CARHSP1: variants seen among roughly 807,000 people sequenced by gnomAD.
CARHSP1 encodes the protein calcium-regulated heat-stable protein 1.
A neutral mutation model predicts 12.5 loss-of-function variants in CARHSP1; 14 were observed. The ratio of observed to expected loss-of-function variants is 1.12; its 90% CI spans 0.74 to 1.75. The LOEUF (loss-of-function observed/expected upper bound fraction) is 1.75. CARHSP1 is among the 40% of genes most tolerant of loss of function. CARHSP1 has a pLI of 0.00. For synonymous variants in CARHSP1, 161 were observed against 82.0 expected, an observed-to-expected ratio of 1.96 and a Z score of -5.20; for missense variants, 343 against 201.6, an observed-to-expected ratio of 1.70 and a Z score of -4.25.
chr16:8,855,011 G>C lies in CARHSP1; in HGVS notation c.*153C>G. 6.5e-6 allele frequency: 3 copies of C among 462,744 alleles called. No homozygotes were observed. Among genetic ancestry groups the C allele is most frequent in the South Asian group, 3.9e-5 (1 of 25,902 alleles). 28.7% of individuals were successfully genotyped at this position (462,744 alleles called of 1,614,324 possible). ...CGGGAACACCCCACACCCCACACCT[G>C]CCCCCCATACCCCTTCCTCCAGGAG... On this transcript the variant is annotated 3_prime_UTR_variant, in exon 4 of 4. Transcript: ENST00000311052.
chr16:8,857,271 T>TTTTTGTTTTTTG (rs1567181141), intron 3 of CARHSP1, among the ~76,000 whole-genome samples: 606 of 26,166 alleles, frequency 0.023, 50 homozygotes, highest in South Asian at 0.069. Context: ...CTGTTTTTTT[T>TTTTTGTTTTTTG]TTTTTTTTTT....
intron 1 of CARHSP1, among the ~76,000 whole-genome samples, chr16:8,862,356 G>C (rs2061381059): frequency 6.6e-6 from 1 of 152,074 alleles, no homozygotes; most frequent in Non-Finnish European, 1.5e-5. Flanking sequence ...TGTCCGCCCA[G>C]GTCCAGTGAG....
rs537228839 is a variant in CARHSP1, at chr16:8,858,872, A to C, written c.158+299T>G. 18 of 411,266 alleles carry C rather than the reference A, an allele frequency of 4.4e-5. No individual in the cohort carries two copies. The Admixed American group carries it at 5.6e-4, about 13-fold the overall frequency. 25.5% of individuals were successfully genotyped at this position (411,266 alleles called of 1,614,324 possible). The stretch of plus-strand genomic sequence containing the variant: ...TGCTGTGCCCATTTTGCAGCTGCAG[A>C]ATTCACAGTCTCACAGGGAACCAGA... On this transcript the variant is annotated intron_variant, in intron 2 of 3. Transcript: ENST00000311052.
chr16:8,864,681 G>T (rs190173769), intron 1 of CARHSP1, among the ~76,000 whole-genome samples: 1 of 152,322 alleles, frequency 6.6e-6, no homozygotes, highest in East Asian at 1.9e-4. Context: ...CCCTTCCCCA[G>T]TCAGCCCCCA....
At chr16:8,864,550 C>G (rs1021153833) in intron 1 of CARHSP1, among the ~76,000 whole-genome samples, 1 of 152,192 alleles carries the variant, frequency 6.6e-6, no homozygotes, top group Non-Finnish European at 1.5e-5. Context: ...CCAGGGTCGC[C>G]CGGCTAACAA....
chr16:8,860,258 G>C, intron 1 of CARHSP1: 1 of 982,442 alleles, frequency 1.0e-6, no homozygotes, highest in Non-Finnish European at 1.2e-6. Flanking sequence ...TTCCAAGGCT[G>C]CATCCAGCTC....
chr16:8,867,016 C>A (rs1256447734), intron 1 of CARHSP1, among the ~76,000 whole-genome samples: 1 of 152,152 alleles, frequency 6.6e-6, no homozygotes, highest in Non-Finnish European at 1.5e-5. Context: ...ATTGCCTGTG[C>A]CCCCATTAGC....
At chr16:8,861,741 G>A (rs2061362062) in intron 1 of CARHSP1, 1 of 1,286,468 alleles carries the variant, frequency 7.8e-7, no homozygotes, top group Non-Finnish European at 1.0e-6. Context: ...CCTCAAAAAG[G>A]CCCCAGCTGC....
intron 3 of CARHSP1, among the ~76,000 whole-genome samples, chr16:8,856,185 C>T (rs2061098674): frequency 6.6e-6 from 1 of 152,192 alleles, no homozygotes; most frequent in Non-Finnish European, 1.5e-5. Context: ...TGACCACCCC[C>T]AGGAAGGTTC....
intron 1 of CARHSP1, among the ~76,000 whole-genome samples, chr16:8,863,385 T>C (rs908409082): frequency 6.6e-6 from 1 of 152,122 alleles, no homozygotes; most frequent in South Asian, 2.1e-4. Flanking sequence ...AGTGCTGGGA[T>C]TACAGGCGTG....
intron 2 of CARHSP1, 26 bp downstream of exon 2, chr16:8,859,145 G>A (rs371517837): frequency 8.7e-5 from 136 of 1,556,290 alleles, no homozygotes; most frequent in Non-Finnish European, 1.1e-4. Flanking sequence ...ATCTGAGAAC[G>A]CGTCCCCAGC....
In CARHSP1 at chr16:8,853,254, CCT is replaced by C. The variant is rs1478470034; in HGVS notation, c.*1908_*1909del. On this transcript the variant is annotated 3_prime_UTR_variant, in exon 4 of 4. Transcript: ENST00000311052. ...GAGAGAGGCTTGGGGCAGTGAAAGCCCTCTCGGGTCTTGGCTGTGGAAGTGTG... is the reference window on the plus strand; with the variant it reads ...GAGAGAGGCTTGGGGCAGTGAAAGCCCTCGGGTCTTGGCTGTGGAAGTGTG... The C allele has an allele frequency of 6.6e-6, 1 of 152,072 alleles. No homozygotes were observed. Among genetic ancestry groups the C allele is most frequent in the East Asian group, 1.9e-4 (1 of 5,182 alleles). The allele number at this position is 152,072 out of a possible 1,614,324, so 9.4% of individuals were successfully genotyped here.
At chr16:8,855,934 C>T (rs1442867484) in intron 3 of CARHSP1, among the ~76,000 whole-genome samples, 1 of 152,200 alleles carries the variant, frequency 6.6e-6, no homozygotes, top group Non-Finnish European at 1.5e-5. Context: ...ATTCTCCTGC[C>T]TCAGCCAAGT....
At chr16:8,860,508 GAA>G in intron 1 of CARHSP1, 1 of 985,444 alleles carries the variant, frequency 1.0e-6, no homozygotes, top group Non-Finnish European at 1.2e-6. Context: ...AGGGGAAAGA[GAA>G]ACAGTCCAGC....
chr16:8,855,055 G>T lies in CARHSP1; in HGVS notation c.*109C>A, dbSNP rs2141066998. 2.2e-6 allele frequency: 2 copies of T among 902,280 alleles called. No individual in the cohort carries two copies. Among genetic ancestry groups the T allele is most frequent in the Non-Finnish European group, 3.1e-6 (2 of 650,658 alleles). The allele number at this position is 902,280 out of a possible 1,614,324, so 55.9% of individuals were successfully genotyped here. A position where few individuals can be genotyped will look rare whatever the true frequency, so the allele number is the denominator to read the frequency against. On this transcript the variant is annotated 3_prime_UTR_variant, in exon 4 of 4. Transcript: ENST00000311052. Reference sequence around the variant, plus strand: ...CCAGGAGATACTTGAGAGGGACCATGCCCGGCTGAAGCCCCGTCTCGTGTG... The same window carrying T: ...CCAGGAGATACTTGAGAGGGACCATTCCCGGCTGAAGCCCCGTCTCGTGTG...
chr16:8,858,239 GC>G, intron 3 of CARHSP1, 110 bp downstream of exon 3: 1 of 1,287,720 alleles, frequency 7.8e-7, no homozygotes, highest in East Asian at 2.4e-5. Context: ...CACAGGCCCA[GC>G]CATTCGTCCT....
intron 1 of CARHSP1, among the ~76,000 whole-genome samples, chr16:8,863,481 C>T (rs1180222853): frequency 6.6e-6 from 1 of 152,224 alleles, no homozygotes; most frequent in Non-Finnish European, 1.5e-5. Context: ...TTGGTGTGCA[C>T]TCAGCACCAT....
At chr16:8,857,289 T>TG (rs2061163256) in intron 3 of CARHSP1, among the ~76,000 whole-genome samples, 3 of 126,246 alleles carry the variant, frequency 2.4e-5, no homozygotes, top group African/African-American at 9.7e-5. Flanking sequence ...TTTTTTTTTT[T>TG]TTTTTTTTTT....
chr16:8,866,165 G>C (rs1047134949), intron 1 of CARHSP1, among the ~76,000 whole-genome samples: 8 of 152,088 alleles, frequency 5.3e-5, no homozygotes, highest in African/African-American at 1.7e-4. Flanking sequence ...TGTTGTCCAG[G>C]CTGGTCTCGA....
Sources: allele counts gnomAD v4.1 joint callset (sites outside exome capture counted in the v4.1 genomes callset), GRCh38; gene constraint gnomAD v4.1.1; transcripts MANE v1.5; gene names NCBI Gene and HGNC (gene_info 2026-07-23, HGNC 2026-07-21).